The following ABCC4 variants were observed in gnomAD, a reference collection of about 807,000 sequenced individuals.
ABCC4 encodes the protein ATP binding cassette subfamily C member 4 (PEL blood group).
ABCC4 carries 102 observed loss-of-function variants against 168.5 expected under a neutral mutation model. The ratio of observed to expected loss-of-function variants is 0.61; its 90% CI spans 0.52 to 0.71. The LOEUF is 0.71. Among genes scored for constraint, ABCC4 ranks in the 30% least tolerant of loss-of-function variants. The pLI, the probability that ABCC4 is intolerant of heterozygous loss-of-function variation, is 0.00. For synonymous variants in ABCC4, 617 were observed against 590.7 expected (o/e 1.04, Z -0.65); for missense variants, 1,402 against 1,605.8 (o/e 0.87, Z 2.17).
intron 4 of ABCC4, among the ~76,000 whole-genome samples, chr13:95,223,646 C>T (rs571995969): frequency 2.0e-5 from 3 of 152,232 alleles, no homozygotes; most frequent in South Asian, 4.1e-4. Flanking sequence ...GGATTACAGG[C>T]GTCCGCCACC....
chr13:95,071,765 G>C lies in ABCC4; in HGVS notation c.3107C>G (p.Pro1036Arg). Residue 1036 changes from proline to arginine, a missense_variant, in exon 25 of 31, where the codon CCC becomes CGC. This residue lies in a region of ABCC4 where 1,007 missense variants were observed against 1,127.3 expected (regional missense o/e 0.89). Coordinates refer to ENST00000645237, the MANE Select transcript of ABCC4 (RefSeq NM_005845.5). Reference sequence around the variant, plus strand: ...GTCAAAGATTATCACTCCTTCATGGGGCCAGGCTGGTGGTGGGCGTTTCTG... The same window carrying C: ...GTCAAAGATTATCACTCCTTCATGGCGCCAGGCTGGTGGTGGGCGTTTCTG... The part of the protein sequence containing the change: ...EYQKRPPPAW[P>R]HEGVIIFDNV... The C allele has an allele frequency of 1.2e-6, 2 of 1,607,804 alleles. No individual in the cohort carries two copies. Among genetic ancestry groups the C allele is most frequent in the Non-Finnish European group, 1.7e-6 (2 of 1,177,160 alleles).
chr13:95,061,187 T>C (rs1160160497), intron 26 of ABCC4, among the ~76,000 whole-genome samples: 1 of 152,232 alleles, frequency 6.6e-6, no homozygotes, highest in African/African-American at 2.4e-5. Flanking sequence ...GGTACTGTGA[T>C]GATCATGGAT....
At chr13:95,236,305 G>A (rs1053673372) in intron 3 of ABCC4, among the ~76,000 whole-genome samples, 1 of 152,158 alleles carries the variant, frequency 6.6e-6, no homozygotes, top group Non-Finnish European at 1.5e-5. Context: ...AATGCAAAAT[G>A]TTTGAAAATC....
In ABCC4 at chr13:95,237,682, G is replaced by A. The variant is rs888378184; in HGVS notation, c.307-2848C>T. On this transcript the variant is annotated intron_variant, in intron 3 of 30. Coordinates refer to ENST00000645237, the MANE Select transcript of ABCC4 (RefSeq NM_005845.5). ...GCCCCATCCCTTGCTTTCTTGGAGT[G>A]ACACATTACATGTCTAGGCCCAGCG... is the stretch of plus-strand genomic sequence containing the variant. Among the ~76,000 whole-genome samples, 9 of 152,116 alleles carry A rather than the reference G, an allele frequency of 5.9e-5. 1 individual carries two copies. Among genetic ancestry groups the A allele is most frequent in the Admixed American group, 5.9e-4 (9 of 15,264 alleles).
intron 4 of ABCC4, among the ~76,000 whole-genome samples, chr13:95,228,366 A>T (rs9524848): frequency 0.32 from 49,078 of 152,052 alleles, 9,175 homozygotes; most frequent in South Asian, 0.46. Context: ...CTCTCTGTGC[A>T]TTATGGGAGG....
intron 30 of ABCC4, among the ~76,000 whole-genome samples, chr13:95,033,550 G>C (rs1337769012): frequency 1.3e-5 from 2 of 152,174 alleles, no homozygotes; most frequent in Admixed American, 1.3e-4. Flanking sequence ...TTGTTGGAAA[G>C]AGATCACGTA....
Position 95,064,405 on chromosome 13 carries a change from A to G in ABCC4, c.3211-1546T>C, listed in dbSNP as rs187119878. ...CAGGTATTCATTTTTCCAGACTTCT[A>G]TCATTTAAGATGACACATTCTTTGG... On this transcript the variant is annotated intron_variant, in intron 25 of 30. Coordinates refer to ENST00000645237, the MANE Select transcript of ABCC4 (RefSeq NM_005845.5). Among the ~76,000 whole-genome samples, 211 of 151,472 alleles carry G rather than the reference A, an allele frequency of 1.4e-3. 1 individual carries two copies. Among genetic ancestry groups the G allele is most frequent in the Non-Finnish European group, 2.1e-3 (140 of 67,832 alleles).
At chr13:95,215,531 A>G (rs2039086088) in intron 4 of ABCC4, among the ~76,000 whole-genome samples, 1 of 152,202 alleles carries the variant, frequency 6.6e-6, no homozygotes, top group South Asian at 2.1e-4. Context: ...CAAGATGGGG[A>G]AGGTAATAGA....
chr13:95,107,109 T>C (rs11616490), intron 20 of ABCC4, among the ~76,000 whole-genome samples: 11,368 of 151,922 alleles, frequency 0.075, 536 homozygotes, highest in African/African-American at 0.12. Context: ...ATAAAAAAAT[T>C]AGCCAGGCAT....
chr13:95,084,872 G>T (rs2034206535), intron 20 of ABCC4, among the ~76,000 whole-genome samples: 1 of 152,188 alleles, frequency 6.6e-6, no homozygotes, highest in South Asian at 2.1e-4. Flanking sequence ...AAAAACAAAA[G>T]CAAGAAGCAT....
intron 3 of ABCC4, among the ~76,000 whole-genome samples, chr13:95,241,571 C>T (rs1471375084): frequency 6.6e-6 from 1 of 152,088 alleles, no homozygotes; most frequent in African/African-American, 2.4e-5. Context: ...GCTCAGTCTC[C>T]AGTCCCCATC....
intron 26 of ABCC4, among the ~76,000 whole-genome samples, chr13:95,060,024 G>A (rs2033224275): frequency 6.6e-6 from 1 of 152,208 alleles, no homozygotes; most frequent in African/African-American, 2.4e-5. Flanking sequence ...ACGCTTAGAA[G>A]ATGCTCTGAA....
intron 1 of ABCC4, among the ~76,000 whole-genome samples, chr13:95,259,374 C>A (rs7319126): frequency 0.09 from 12,908 of 143,752 alleles, 1,318 homozygotes; most frequent in African/African-American, 0.26. Context: ...GAGTGAAACT[C>A]CGTCTCAAAA....
chr13:95,067,039 C>G (rs541951355), intron 25 of ABCC4, among the ~76,000 whole-genome samples: 6 of 152,286 alleles, frequency 3.9e-5, no homozygotes, highest in African/African-American at 7.2e-5. Context: ...GGGAGAGAAG[C>G]CTGCAGCTAC....
intron 20 of ABCC4, among the ~76,000 whole-genome samples, chr13:95,085,829 C>A (rs2034239223): frequency 6.6e-6 from 1 of 152,134 alleles, no homozygotes; most frequent in Non-Finnish European, 1.5e-5. Context: ...TATTTCGCAT[C>A]CATTATCTAA....
intron 3 of ABCC4, among the ~76,000 whole-genome samples, chr13:95,240,727 T>G (rs992457179): frequency 7.9e-5 from 12 of 151,932 alleles, no homozygotes; most frequent in African/African-American, 2.9e-4. Context: ...TCCCAGCATT[T>G]TGGGAGGCCG....
At chr13:95,109,034 T>G (rs2035109210) in intron 20 of ABCC4, among the ~76,000 whole-genome samples, 1 of 152,178 alleles carries the variant, frequency 6.6e-6, no homozygotes, top group Non-Finnish European at 1.5e-5. Flanking sequence ...TGTTTATTGG[T>G]CTGTTTATTG....
chr13:95,179,117 G>A (rs2037807019), intron 11 of ABCC4, among the ~76,000 whole-genome samples: 2 of 152,316 alleles, frequency 1.3e-5, no homozygotes, highest in Admixed American at 1.3e-4. Flanking sequence ...GGAGGTCTGT[G>A]CTGGAGACCC....
chr13:95,282,747 C>T (rs1432431206), intron 1 of ABCC4, among the ~76,000 whole-genome samples: 1 of 151,588 alleles, frequency 6.6e-6, no homozygotes, highest in Non-Finnish European at 1.5e-5. Context: ...GTTGACCAGT[C>T]TGCTCTCAAA....
Sources: allele counts gnomAD v4.1 joint callset (sites outside exome capture counted in the v4.1 genomes callset), GRCh38; gene constraint gnomAD v4.1.1; regional missense constraint gnomAD v4.1.1; transcripts MANE v1.5; gene names NCBI Gene and HGNC (gene_info 2026-07-23, HGNC 2026-07-21).